The following MYO1B variants were observed in gnomAD, a reference collection of about 807,000 sequenced individuals.
MYO1B encodes the protein unconventional myosin-Ib.
A neutral mutation model predicts 159.7 loss-of-function variants in MYO1B; 72 were observed. That is an observed-to-expected ratio of 0.45 (90% confidence interval 0.37 to 0.55). MYO1B has a LOEUF of 0.55. Among genes scored for constraint, MYO1B ranks in the 20% least tolerant of loss-of-function variants. The probability of loss-of-function intolerance (pLI) is 0.00; values close to 1 mark genes in which losing one functional copy is unlikely to be tolerated. For missense variants in MYO1B, 1,062 were observed against 1,364.8 expected, an observed-to-expected ratio of 0.78 and a Z score of 3.50; for synonymous variants, 468 against 473.8, an observed-to-expected ratio of 0.99 and a Z score of 0.16.
chr2:191,266,689 GC>G (rs1436108904), intron 1 of MYO1B, among the ~76,000 whole-genome samples: 2 of 152,150 alleles, frequency 1.3e-5, no homozygotes, highest in Admixed American at 1.3e-4. Context: ...GGAAGGTTTT[GC>G]CTGGGATTCT....
chr2:191,354,304 A>G (rs1693129160), intron 7 of MYO1B, among the ~76,000 whole-genome samples: 1 of 148,492 alleles, frequency 6.7e-6, no homozygotes, highest in African/African-American at 2.5e-5. Flanking sequence ...ATAATGTCGA[A>G]CACCTTATAT....
At chr2:191,312,660 T>C (rs760678863) in intron 3 of MYO1B, among the ~76,000 whole-genome samples, 2 of 152,262 alleles carry the variant, frequency 1.3e-5, no homozygotes, top group African/African-American at 2.4e-5. Flanking sequence ...TTTGGTTATT[T>C]ATAGTTAACT....
At chr2:191,282,941 A>G (rs1688151405) in intron 2 of MYO1B, among the ~76,000 whole-genome samples, 1 of 152,240 alleles carries the variant, frequency 6.6e-6, no homozygotes, top group Admixed American at 6.5e-5. Flanking sequence ...TAAGGTAAAC[A>G]TTGAGAACAA....
chr2:191,358,998 AT>A, intron 7 of MYO1B, among the ~76,000 whole-genome samples: 1 of 152,322 alleles, frequency 6.6e-6, no homozygotes, highest in African/African-American at 2.4e-5. Context: ...ATTTGTTTAT[AT>A]TTTTTATGTA....
rs143514901 is a variant in MYO1B at position 191,381,181 on chromosome 2, G to C, written c.1186-281G>C. ...ATCCTTCAGCAAAGGAAGTGAGATT[G>C]TTTCTAGCTTTTCTGTTTGGGGTGC... is the stretch of plus-strand genomic sequence containing the variant. On this transcript the variant is annotated intron_variant, in intron 13 of 30. Transcript: ENST00000392318. 1.2e-3 allele frequency: 513 copies of C among 433,820 alleles called. 6 individuals carry two copies. The East Asian group carries it at 0.018, about 15-fold the overall frequency. The allele number at this position is 433,820 out of a possible 1,614,324, so 26.9% of individuals were successfully genotyped here.
rs2126100417 is a variant in MYO1B at position 191,390,826 on chromosome 2, T to C, written c.1982+334T>C. Among the ~76,000 whole-genome samples, 6 of 152,362 alleles carry C rather than the reference T, an allele frequency of 3.9e-5. No homozygotes were observed. The South Asian group carries it at 1.2e-3, about 32-fold the overall frequency. On this transcript the variant is annotated intron_variant, in intron 18 of 30. Coordinates refer to ENST00000392318, the MANE Select transcript of MYO1B (RefSeq NM_001130158.3). The stretch of plus-strand genomic sequence containing the variant: ...AGGTTGGATTACCACTTGTCACTTT[T>C]CCCATGAAGAATTTGGCTGCAGAGA...
chr2:191,390,284 T>A lies in MYO1B; in HGVS notation c.1782-8T>A. Reference sequence around the variant, plus strand: ...AGTTTATAACCTAAAATCTTTGTGATCTTTAAGGTGTATCAAACCGAATGA... The same window carrying A: ...AGTTTATAACCTAAAATCTTTGTGAACTTTAAGGTGTATCAAACCGAATGA... On this transcript the variant is annotated splice_polypyrimidine_tract_variant and splice_region_variant and intron_variant, in intron 17 of 30. Transcript: ENST00000392318. 6.2e-7 allele frequency: 1 copy of A among 1,609,668 alleles called. No individual in the cohort carries two copies. Among genetic ancestry groups the A allele is most frequent in the Non-Finnish European group, 8.5e-7 (1 of 1,176,846 alleles).
rs148878483 is a variant in MYO1B, at chr2:191,423,952, G to A, written c.3403G>A (p.Val1135Ile). The A allele has an allele frequency of 1.7e-4, 271 of 1,613,176 alleles. No individual in the cohort carries two copies. Among genetic ancestry groups the A allele is most frequent in the Non-Finnish European group, 2.3e-4 (266 of 1,179,666 alleles). The change falls in exon 31 of 31, where the codon GTC becomes ATC. Residue 1135 changes from valine to isoleucine, a missense_variant. Physicochemically the swap from Val to Ile is conservative, Grantham distance 29. Coordinates refer to ENST00000392318, the MANE Select transcript of MYO1B (RefSeq NM_001130158.3). ...RKNNRLLEVA[V>I]P is the part of the protein sequence containing the mutation. ...AAACAACCGTCTCCTTGAAGTTGCT[G>A]TCCCTTAACTGGCGCCTCCTCTCTA...
chr2:191,267,656 T>TA (rs908783237), intron 1 of MYO1B, among the ~76,000 whole-genome samples: 8 of 152,240 alleles, frequency 5.3e-5, no homozygotes, highest in African/African-American at 1.9e-4. Context: ...TCCAATGCTT[T>TA]AGGGAGCCCT....
intron 2 of MYO1B, among the ~76,000 whole-genome samples, chr2:191,294,023 T>C (rs539561276): frequency 6.6e-6 from 1 of 152,310 alleles, no homozygotes; most frequent in African/African-American, 2.4e-5. Flanking sequence ...CCCATGTGAT[T>C]TGGTCATTTA....
At chr2:191,313,875 T>C (rs993512013) in intron 3 of MYO1B, among the ~76,000 whole-genome samples, 9 of 152,174 alleles carry the variant, frequency 5.9e-5, no homozygotes, top group African/African-American at 2.2e-4. Flanking sequence ...AAGATCTTCA[T>C]TGGCCAGTGC....
chr2:191,303,777 A>G (rs906559533), intron 3 of MYO1B, among the ~76,000 whole-genome samples: 8 of 152,216 alleles, frequency 5.3e-5, no homozygotes, highest in Non-Finnish European at 8.8e-5. Context: ...AGTTTAAGTC[A>G]GTAGATGACA....
intron 1 of MYO1B, among the ~76,000 whole-genome samples, chr2:191,273,219 A>G (rs1008684080): frequency 7.2e-5 from 11 of 152,230 alleles, no homozygotes; most frequent in Admixed American, 6.5e-4. Flanking sequence ...CCTGGGTTCA[A>G]GCAATTCTCC....
intron 7 of MYO1B, 120 bp downstream of exon 7, chr2:191,350,345 T>G: frequency 1.5e-6 from 1 of 647,674 alleles, no homozygotes; most frequent in Non-Finnish European, 2.6e-6. Context: ...TGCTTTATAT[T>G]TAGACTTTAA....
intron 1 of MYO1B, among the ~76,000 whole-genome samples, chr2:191,275,697 T>A (rs1687710310): frequency 6.6e-6 from 1 of 152,226 alleles, no homozygotes; most frequent in Non-Finnish European, 1.5e-5. Flanking sequence ...ATGTAAGTAT[T>A]TATTAGTATT....
At chr2:191,323,861 G>T (rs1263778407) in intron 3 of MYO1B, among the ~76,000 whole-genome samples, 3 of 152,012 alleles carry the variant, frequency 2.0e-5, no homozygotes, top group African/African-American at 7.2e-5. Flanking sequence ...CTTATGTTTA[G>T]GATATAAGAA....
At chr2:191,392,016 GT>G in intron 18 of MYO1B, 91 bp from the exon 19 acceptor site, 1 of 823,630 alleles carries the variant, frequency 1.2e-6, no homozygotes. Context: ...ATGAAGCTAT[GT>G]TTTATACCAC....
chr2:191,370,404 T>A, intron 13 of MYO1B, 112 bp downstream of exon 13: 1 of 742,144 alleles, frequency 1.3e-6, no homozygotes, highest in Non-Finnish European at 2.3e-6. Context: ...CTACAAATAA[T>A]CCTTGTGTAG....
intron 3 of MYO1B, among the ~76,000 whole-genome samples, chr2:191,303,259 T>G (rs1029327960): frequency 1.3e-5 from 2 of 152,164 alleles, no homozygotes; most frequent in Non-Finnish European, 1.5e-5. Context: ...GCAAGTAGAT[T>G]CTGAATTCTC....
Sources: gnomAD v4.1 joint callset for allele counts (sites outside exome capture counted in the v4.1 genomes callset) on GRCh38, gnomAD v4.1.1 for gene constraint, MANE v1.5 for transcripts, NCBI Gene and HGNC (gene_info 2026-07-23, HGNC 2026-07-21) for gene names.